The following ZNF397 variants were observed in gnomAD, a reference collection of about 807,000 sequenced individuals.
ZNF397 encodes the protein zinc finger and SCAN domain-containing protein 15.
In ZNF397, 38 loss-of-function variants were observed where a neutral mutation model predicts 50.6. The ratio of observed to expected loss-of-function variants is 0.75; its 90% confidence interval spans 0.58 to 0.98. The LOEUF (loss-of-function observed/expected upper bound fraction) is 0.98. ZNF397 is among the 50% of genes least tolerant of loss of function. The pLI is 0.00. For synonymous variants in ZNF397, 228 were observed against 215.2 expected, an observed-to-expected ratio of 1.06 and a Z score of -0.52; for missense variants, 624 against 624.1, an observed-to-expected ratio of 1.00 and a Z score of 0.00.
At chr18:35,253,378 T>C, downstream of ZNF397, 2 of 1,356,184 alleles carry the variant, frequency 1.5e-6, no homozygotes, top group Non-Finnish European at 2.0e-6. Flanking sequence ...AGGAAACTTT[T>C]CTTTTCTGTG....
chr18:35,244,889 C>G, intron 3 of ZNF397, among the ~76,000 whole-genome samples: 1 of 151,892 alleles, frequency 6.6e-6, no homozygotes, highest in East Asian at 1.9e-4. Flanking sequence ...TGCGAAACCA[C>G]TTGAGAGAGA....
At chr18:35,254,491 A>T (rs561145342), downstream of ZNF397, 21 of 1,558,884 alleles carry the variant, frequency 1.3e-5, no homozygotes, top group African/African-American at 2.2e-4. Flanking sequence ...TTAGGAGGAC[A>T]GTTCTCAAAA....
chr18:35,253,816 G>T, downstream of ZNF397: 3 of 1,614,116 alleles, frequency 1.9e-6, no homozygotes, highest in Non-Finnish European at 2.5e-6. Context: ...TCCGATGCCT[G>T]ATGAGCTCTG....
At chr18:35,258,199 G>A (rs1295941880) in exon 6 of ZNF397, 1 of 547,250 alleles carries the variant, frequency 1.8e-6, no homozygotes, top group East Asian at 3.1e-5. Context: ...AAAGAGACTA[G>A]CATAAGGAGA....
At chr18:35,255,347 T>C in intron 5 of ZNF397, among the ~76,000 whole-genome samples, 1 of 151,824 alleles carries the variant, frequency 6.6e-6, no homozygotes, top group Non-Finnish European at 1.5e-5. Context: ...AAATGGCTGA[T>C]ATAACTTGAA....
downstream of ZNF397, chr18:35,254,098 T>G (rs754306635): frequency 2.5e-6 from 4 of 1,614,110 alleles, no homozygotes; most frequent in Non-Finnish European, 3.4e-6. Context: ...TGAAACTTCC[T>G]TCACTCTCAT....
At position 35,246,177 on chromosome 18, in the gene ZNF397, A is replaced by G. The variant is rs2043478081; in HGVS notation, c.1472A>G (p.Lys491Arg). ...YQCNECGKTF[K>R]RSSALVQHQR... ...TGTAATGAATGTGGCAAAACTTTCA[A>G]AAGGAGCTCAGCCCTTGTTCAGCAT... is the stretch of plus-strand genomic sequence containing the variant. Residue 491 changes from lysine to arginine, a missense_variant, in exon 4 of 4, where the codon AAA becomes AGA. Transcript: ENST00000330501. 2 of 1,551,952 alleles carry G rather than the reference A, an allele frequency of 1.3e-6. No individual in the cohort carries two copies. Among genetic ancestry groups the G allele is most frequent in the Non-Finnish European group, 1.7e-6 (2 of 1,147,058 alleles).
rs760693648 is a variant in ZNF397, at chr18:35,245,963, AC to A, written c.1259del (p.Thr420LysfsTer21). 1 of 1,582,690 alleles carries A rather than the reference AC, an allele frequency of 6.3e-7. No individual in the cohort carries two copies. The highest frequency in any genetic ancestry group is 8.6e-7 in the Non-Finnish European group (1 of 1,164,110). ...ACTCATTAGACATCAGCGAATTCAC[AC>A]AGGAGAGAGACCCTATGAATGTAAT... ...SKLIRHQRIH[T>X]GERPYECNEC... On this transcript the variant is annotated frameshift_variant, in exon 4 of 4. Transcript: ENST00000330501. LOFTEE classifies it high-confidence loss of function.
chr18:35,258,932 A>T (rs916611007), downstream of ZNF397: 1 of 151,050 alleles, frequency 6.6e-6, no homozygotes, highest in Admixed American at 6.7e-5. Context: ...ACTGCATTCA[A>T]GTATAGATTG....
At chr18:35,258,089 A>G in exon 6 of ZNF397, 1 of 733,386 alleles carries the variant, frequency 1.4e-6, no homozygotes, top group Non-Finnish European at 2.5e-6. Flanking sequence ...ATCATATCAC[A>G]GTGGGCCTCT....
chr18:35,250,555 C>T (rs2043560608), downstream of ZNF397, among the ~76,000 whole-genome samples: 2 of 152,096 alleles, frequency 1.3e-5, no homozygotes, highest in South Asian at 2.1e-4. Context: ...CTGCCTTTCC[C>T]CTTCCCTCAT....
At chr18:35,253,076 T>G (rs1407115500), downstream of ZNF397, 1 of 174,162 alleles carries the variant, frequency 5.7e-6, no homozygotes, top group African/African-American at 2.4e-5. Context: ...CCAGGCACAT[T>G]TGCCATCTTA....
downstream of ZNF397, chr18:35,254,192 CT>C: frequency 2.5e-6 from 4 of 1,614,174 alleles, no homozygotes; most frequent in Non-Finnish European, 2.5e-6. Flanking sequence ...AGGAAGCTGA[CT>C]GATTTTGTTC....
chr18:35,243,367 C>T (rs777628563), intron 3 of ZNF397, 74 bp downstream of exon 3: 1 of 1,604,154 alleles, frequency 6.2e-7, no homozygotes, highest in South Asian at 1.1e-5. Flanking sequence ...ATTAATTGCA[C>T]TTGACAAACT....
intron 3 of ZNF397, among the ~76,000 whole-genome samples, chr18:35,244,346 T>G (rs530702602): frequency 6.6e-6 from 1 of 152,222 alleles, no homozygotes; most frequent in South Asian, 2.1e-4. Flanking sequence ...GTGTTTAGGT[T>G]GGTACATTTG....
At chr18:35,245,224 AAATGT>A in intron 3 of ZNF397, 33 bp from the exon 4 acceptor site, 1 of 1,527,044 alleles carries the variant, frequency 6.5e-7, no homozygotes, top group South Asian at 1.3e-5. Context: ...GTGACAAGAG[AAATGT>A]AATATCTGTT....
Position 35,245,987 on chromosome 18 carries a change from A to G in ZNF397, c.1282A>G (p.Asn428Asp), listed in dbSNP as rs1284236287. ...IHTGERPYECNECGKAFRQSS... is the reference protein window; with the variant it reads ...IHTGERPYECDECGKAFRQSS... Reference sequence around the variant, plus strand: ...CACAGGAGAGAGACCCTATGAATGTAATGAATGTGGAAAAGCTTTCAGGCA... The same window carrying G: ...CACAGGAGAGAGACCCTATGAATGTGATGAATGTGGAAAAGCTTTCAGGCA... Residue 428 changes from asparagine to aspartate, a missense_variant, in exon 4 of 4, where the codon AAT (asparagine) becomes GAT (aspartate). Physicochemically the swap from Asn to Asp is conservative, Grantham distance 23. Coordinates refer to ENST00000330501, the MANE Select transcript of ZNF397 (RefSeq NM_001135178.3). The G allele has an allele frequency of 6.3e-7, 1 of 1,581,058 alleles. No individual in the cohort carries two copies. Among genetic ancestry groups the G allele is most frequent in the Admixed American group, 1.8e-5 (1 of 54,732 alleles).
chr18:35,258,040 A>AT (rs2043899982), exon 6 of ZNF397: 1 of 779,154 alleles, frequency 1.3e-6, no homozygotes, highest in Non-Finnish European at 2.4e-6. Flanking sequence ...CAAGAAACTT[A>AT]TAACTCAAGG....
downstream of ZNF397, among the ~76,000 whole-genome samples, chr18:35,250,370 C>T (rs534622040): frequency 2.1e-4 from 32 of 152,290 alleles, no homozygotes; most frequent in African/African-American, 6.7e-4. Context: ...GAAATTTTTT[C>T]GTCTTCACCA....
Sources: gnomAD v4.1 joint callset for allele counts (sites outside exome capture counted in the v4.1 genomes callset) on GRCh38, gnomAD v4.1.1 for gene constraint, MANE v1.5 for transcripts, NCBI Gene and HGNC (gene_info 2026-07-23, HGNC 2026-07-21) for gene names.